The following PIP5K1C variants were observed in gnomAD, a reference collection of about 807,000 sequenced individuals.
The protein encoded by PIP5K1C is phosphatidylinositol-4-phosphate 5-kinase type 1 gamma, also known as phosphatidylinositol 4-phosphate 5-kinase type-1 gamma.
PIP5K1C carries 45 observed loss-of-function variants against 80.1 expected under a neutral mutation model. That is an observed-to-expected ratio of 0.56 (90% CI 0.44 to 0.72). PIP5K1C has a LOEUF of 0.72. Ranked by LOEUF, PIP5K1C falls within the 30% of genes least tolerant of loss-of-function variation. PIP5K1C has a pLI of 0.00. For synonymous variants in PIP5K1C, 498 were observed against 420.1 expected (o/e 1.19, Z -2.27); for missense variants, 753 against 954.6 (o/e 0.79, Z 2.78).
chr19:3,643,157 C>T (rs2034047925), intron 13 of PIP5K1C, 86 bp downstream of exon 13: 6 of 1,589,414 alleles, frequency 3.8e-6, no homozygotes, highest in Middle Eastern at 1.8e-4. Flanking sequence ...ACATGCACAG[C>T]GGATGCCCCG....
At chr19:3,681,178 G>C (rs1163843725) in intron 1 of PIP5K1C, among the ~76,000 whole-genome samples, 1 of 151,980 alleles carries the variant, frequency 6.6e-6, no homozygotes, top group Non-Finnish European at 1.5e-5. Context: ...ACTATTCTCC[G>C]GGTGTGTACA....
chr19:3,677,412 G>T (rs1162462521), intron 1 of PIP5K1C, among the ~76,000 whole-genome samples: 3 of 151,936 alleles, frequency 2.0e-5, no homozygotes, highest in Non-Finnish European at 4.4e-5. Flanking sequence ...GTGAAACCCC[G>T]TCTCTACTGA....
At chr19:3,683,844 C>T (rs1052117283) in intron 1 of PIP5K1C, among the ~76,000 whole-genome samples, 1 of 151,718 alleles carries the variant, frequency 6.6e-6, no homozygotes, top group African/African-American at 2.4e-5. Context: ...GTGCAGAGCA[C>T]AGCCAGCCCC....
In PIP5K1C at chr19:3,637,338, C is replaced by G. The variant is rs1176995484; in HGVS notation, c.1920+1546G>C. The G allele has an allele frequency of 2.0e-6, 3 of 1,533,670 alleles. No individual in the cohort carries two copies. Among genetic ancestry groups the G allele is most frequent in the African/African-American group, 2.7e-5 (2 of 73,016 alleles). On this transcript the variant is annotated intron_variant, in intron 16 of 17. Transcript: ENST00000335312. The surrounding 1 kb of genome is among the most constrained non-coding windows in gnomAD (Gnocchi z 7.0). The stretch of plus-strand genomic sequence containing the variant: ...CCCGGTTCGACGTGGGACCGAATGA[C>G]ATTCCCAGTGACGCATGCAGCCCAG...
chr19:3,660,945 C>T (rs1267688343), intron 5 of PIP5K1C, 21 bp downstream of exon 5: 6 of 1,579,614 alleles, frequency 3.8e-6, no homozygotes, highest in South Asian at 2.2e-5. Flanking sequence ...CCTGGAAGCC[C>T]GTAACAGCAA....
intron 1 of PIP5K1C, among the ~76,000 whole-genome samples, chr19:3,691,172 G>A (rs550234000): frequency 2.6e-5 from 4 of 152,220 alleles, no homozygotes; most frequent in South Asian, 2.1e-4. Flanking sequence ...ACGAATATAC[G>A]CTGCAATGAC....
At chr19:3,689,034 A>G (rs1424358064) in intron 1 of PIP5K1C, among the ~76,000 whole-genome samples, 2 of 151,862 alleles carry the variant, frequency 1.3e-5, no homozygotes, top group African/African-American at 2.4e-5. Context: ...TGTCTTTAAA[A>G]TTTTCTTAGG....
At chr19:3,698,458 G>A (rs1329467091) in intron 1 of PIP5K1C, among the ~76,000 whole-genome samples, 1 of 152,252 alleles carries the variant, frequency 6.6e-6, no homozygotes, top group Non-Finnish European at 1.5e-5. Flanking sequence ...ATAGGGTGGG[G>A]AGACTCCAGA....
intron 1 of PIP5K1C, among the ~76,000 whole-genome samples, chr19:3,698,763 C>T (rs2036202415): frequency 2.6e-5 from 4 of 152,228 alleles, no homozygotes; most frequent in Admixed American, 2.6e-4. Flanking sequence ...CCCAGCCAGG[C>T]ACAACCTAAA....
At chr19:3,662,056 C>A (rs770028906) in intron 3 of PIP5K1C, 55 bp from the exon 4 acceptor site, 205 of 1,536,504 alleles carry the variant, frequency 1.3e-4, no homozygotes, top group Admixed American at 4.3e-4. Flanking sequence ...CTGCCCTGCA[C>A]CCCCTGTGTG....
At chr19:3,697,196 G>A (rs560900798) in intron 1 of PIP5K1C, among the ~76,000 whole-genome samples, 3 of 151,308 alleles carry the variant, frequency 2.0e-5, no homozygotes, top group East Asian at 1.9e-4. Flanking sequence ...GGGGAGGACT[G>A]AGCCGGATGG....
In PIP5K1C at chr19:3,667,302, C is replaced by T. The variant is rs745916076; in HGVS notation, c.126+20G>A. The T allele has an allele frequency of 1.4e-5, 23 of 1,610,988 alleles. No homozygotes were observed. Among genetic ancestry groups the T allele is most frequent in the South Asian group, 5.5e-5 (5 of 90,904 alleles). On this transcript the variant is annotated intron_variant, in intron 2 of 17. Transcript: ENST00000335312. ...GTCAGGGTGGGGACCCCAGGCCCTT[C>T]GTCCGCTCCAGACACTCACCTCTGT...
chr19:3,644,035 T>C (rs2034099350), intron 12 of PIP5K1C, 52 bp downstream of exon 12: 12 of 1,591,550 alleles, frequency 7.5e-6, no homozygotes, highest in Non-Finnish European at 1.0e-5. Context: ...ACGGGGCTGC[T>C]GCTGGCACCC....
chr19:3,651,164 C>T (rs904818989), intron 8 of PIP5K1C, among the ~76,000 whole-genome samples: 13 of 151,986 alleles, frequency 8.6e-5, no homozygotes, highest in African/African-American at 1.7e-4. Context: ...ACGCCTGCCA[C>T]GCCTTCAGCC....
At chr19:3,673,057 A>G (rs2035261771) in intron 1 of PIP5K1C, among the ~76,000 whole-genome samples, 2 of 52,706 alleles carry the variant, frequency 3.8e-5, no homozygotes, top group South Asian at 1.4e-3. Context: ...GGGTCTCCCC[A>G]GGCCTCACTG....
Position 3,637,216 on chromosome 19 carries a change from C to T in PIP5K1C, c.1920+1668G>A. 1.4e-6 allele frequency: 2 copies of T among 1,438,600 alleles called. No homozygotes were observed. The highest frequency in any genetic ancestry group is 1.8e-6 in the Non-Finnish European group (2 of 1,100,948). 89.1% of individuals were successfully genotyped at this position (1,438,600 alleles called of 1,614,324 possible). A position where few individuals can be genotyped will look rare whatever the true frequency, so the allele number is the denominator to read the frequency against. On this transcript the variant is annotated intron_variant, in intron 16 of 17. Coordinates refer to ENST00000335312, the MANE Select transcript of PIP5K1C (RefSeq NM_012398.3). The surrounding 1 kb of genome is among the most constrained non-coding windows in gnomAD (Gnocchi z 7.0). Reference sequence around the variant, plus strand: ...ACACCCTGACACGAGAGGGCTGGGTCCAGGGGCAGAGAGGGGCTCGCTGGG... The same window carrying T: ...ACACCCTGACACGAGAGGGCTGGGTTCAGGGGCAGAGAGGGGCTCGCTGGG...
intron 1 of PIP5K1C, among the ~76,000 whole-genome samples, chr19:3,684,397 T>A (rs1361085332): frequency 6.6e-6 from 1 of 152,166 alleles, no homozygotes. Context: ...CCCTTGAAAG[T>A]GGGCGGGTCT....
At chr19:3,647,219 G>A (rs367873369) in intron 10 of PIP5K1C, 119 bp downstream of exon 10, 6 of 861,214 alleles carry the variant, frequency 7.0e-6, no homozygotes, top group Middle Eastern at 3.2e-4. Context: ...AGGGATGGGA[G>A]GAGGGATGGG....
At chr19:3,634,882 C>T (rs548859096) in intron 16 of PIP5K1C, among the ~76,000 whole-genome samples, 6 of 152,374 alleles carry the variant, frequency 3.9e-5, no homozygotes, top group East Asian at 1.9e-4. Flanking sequence ...GAGGCCGCAT[C>T]GCGGAGGACT....
Sources: gnomAD v4.1 joint callset for allele counts (sites outside exome capture counted in the v4.1 genomes callset) on GRCh38, gnomAD v4.1.1 for gene constraint, Gnocchi (gnomAD v3.1) non-coding constraint, MANE v1.5 for transcripts, NCBI Gene and HGNC (gene_info 2026-07-23, HGNC 2026-07-21) for gene names.